SAMD5: variants seen among roughly 807,000 people sequenced by gnomAD.
SAMD5 encodes the protein sterile alpha motif domain containing 5.
A neutral mutation model predicts 11.3 loss-of-function variants in SAMD5; 13 were observed. That is an observed-to-expected ratio of 1.15 (90% CI 0.75 to 1.83). The LOEUF (loss-of-function observed/expected upper bound fraction) is 1.83, where lower values mean the gene tolerates loss of function less well. Ranked by LOEUF, SAMD5 falls within the 40% of genes most tolerant of loss-of-function variation. The pLI, the probability that SAMD5 is intolerant of heterozygous loss-of-function variation, is 0.00. For synonymous variants in SAMD5, 129 were observed against 111.3 expected (o/e 1.16, Z -1.00); for missense variants, 255 against 239.1 (o/e 1.07, Z -0.44).
At chr6:147,818,841 C>T in the SAMD5 span, among the ~76,000 whole-genome samples, 1 of 152,280 alleles carries the variant, frequency 6.6e-6, no homozygotes, top group South Asian at 2.1e-4. Context: ...ACCCTTCAGT[C>T]CTACATGGTT....
chr6:147,802,533 A>G, the SAMD5 span, among the ~76,000 whole-genome samples: 1 of 152,204 alleles, frequency 6.6e-6, no homozygotes, highest in South Asian at 2.1e-4. Context: ...CATTTAGCCT[A>G]TGACTCAGCA....
chr6:147,576,017 G>A (rs2128445784), intron 1 of SAMD5, among the ~76,000 whole-genome samples: 1 of 152,266 alleles, frequency 6.6e-6, no homozygotes, highest in Middle Eastern at 3.4e-3. Flanking sequence ...TGGAAGCAGA[G>A]CAGGAGTTTG....
At chr6:147,884,247 C>T in the SAMD5 span, among the ~76,000 whole-genome samples, 185 of 152,090 alleles carry the variant, frequency 1.2e-3, no homozygotes, top group African/African-American at 4.2e-3. Context: ...GGAGGGCTGG[C>T]GCATTTAAAC....
chr6:147,599,963 T>C (rs1357463681), intron 1 of SAMD5, among the ~76,000 whole-genome samples: 1 of 151,832 alleles, frequency 6.6e-6, no homozygotes, highest in Non-Finnish European at 1.5e-5. Flanking sequence ...GAGGTGTGTA[T>C]GGGACCAGGA....
chr6:147,867,753 C>G, the SAMD5 span, among the ~76,000 whole-genome samples: 1 of 152,126 alleles, frequency 6.6e-6, no homozygotes, highest in Non-Finnish European at 1.5e-5. Flanking sequence ...GTTTAAATGA[C>G]CTCAGTATTG....
Position 147,717,514 on chromosome 6 carries a change from T to C in SAMD5, c.163-19803T>C, listed in dbSNP as rs182097393. ...AACTGGCTCAATGGTTTTCCAGATA[T>C]TTTTGCTCAGGAATCACTCTGTCAG... On this transcript the variant is annotated intron_variant, in intron 1 of 1. Coordinates refer to the SAMD5 transcript ENST00000566741. Among the ~76,000 whole-genome samples, 13 of 152,278 alleles carry C rather than the reference T, an allele frequency of 8.5e-5. No individual in the cohort carries two copies. The East Asian group carries it at 2.1e-3, about 25-fold the overall frequency.
chr6:147,928,167 T>A, the SAMD5 span, among the ~76,000 whole-genome samples: 1 of 152,210 alleles, frequency 6.6e-6, no homozygotes, highest in African/African-American at 2.4e-5. Flanking sequence ...TGAATCAGGA[T>A]GATGCTGGAC....
chr6:147,818,808 G>A, the SAMD5 span, among the ~76,000 whole-genome samples: 1 of 152,112 alleles, frequency 6.6e-6, no homozygotes, highest in South Asian at 2.1e-4. Context: ...TGTGACACCA[G>A]CAAGTTACAG....
chr6:147,794,278 G>A, the SAMD5 span, among the ~76,000 whole-genome samples: 1,219 of 152,210 alleles, frequency 8.0e-3, 5 homozygotes, highest in Non-Finnish European at 0.013. Flanking sequence ...AGCCAGTAAG[G>A]TTTAAATATG....
chr6:147,846,915 C>A, the SAMD5 span, among the ~76,000 whole-genome samples: 1 of 152,244 alleles, frequency 6.6e-6, no homozygotes, highest in East Asian at 1.9e-4. Context: ...CAACATGTCC[C>A]AAGTAATAGA....
the SAMD5 span, among the ~76,000 whole-genome samples, chr6:147,853,043 A>G: frequency 1.2e-3 from 184 of 152,324 alleles, no homozygotes; most frequent in African/African-American, 4.1e-3. Context: ...AAACAAACCT[A>G]TATTCCAAAG....
the SAMD5 span, among the ~76,000 whole-genome samples, chr6:147,766,296 A>G: frequency 1.3e-5 from 2 of 152,074 alleles, no homozygotes; most frequent in Non-Finnish European, 2.9e-5. Flanking sequence ...ATGAAGAAAA[A>G]TTCTCTCTAG....
the SAMD5 span, among the ~76,000 whole-genome samples, chr6:147,830,253 T>A: frequency 4.2e-4 from 31 of 73,012 alleles, no homozygotes; most frequent in Non-Finnish European, 7.5e-4. Context: ...CTTTCTTTCT[T>A]TTTTTTTTTT....
At chr6:147,873,114 C>T in the SAMD5 span, among the ~76,000 whole-genome samples, 1 of 152,118 alleles carries the variant, frequency 6.6e-6, no homozygotes, top group Non-Finnish European at 1.5e-5. Flanking sequence ...TGCTGTGGCT[C>T]ACGCCTGTAA....
At chr6:147,816,301 A>AAAAAAAAAAAAAAAATAT in the SAMD5 span, among the ~76,000 whole-genome samples, 4 of 66,356 alleles carry the variant, frequency 6.0e-5, no homozygotes, top group African/African-American at 4.1e-4. Context: ...AAAAAAAAAA[A>AAAAAAAAAAAAAAAATAT]ATATATATAT....
At chr6:147,946,270 T>A in the SAMD5 span, among the ~76,000 whole-genome samples, 1 of 152,218 alleles carries the variant, frequency 6.6e-6, no homozygotes, top group East Asian at 1.9e-4. Flanking sequence ...TCTTGATGTG[T>A]GGGTAGGCAT....
At chr6:147,556,151 G>T (rs1041310865) in intron 1 of SAMD5, among the ~76,000 whole-genome samples, 3 of 151,614 alleles carry the variant, frequency 2.0e-5, no homozygotes, top group Non-Finnish European at 2.9e-5. Context: ...GGAGTGCAGT[G>T]GTGTGATCTT....
intron 1 of SAMD5, among the ~76,000 whole-genome samples, chr6:147,581,405 G>A (rs1789295330): frequency 6.6e-6 from 1 of 152,192 alleles, no homozygotes; most frequent in Non-Finnish European, 1.5e-5. Flanking sequence ...ATTGGTATAT[G>A]CTAATTAAAC....
In SAMD5 at chr6:147,551,812, T is replaced by TTATATATATATATATA. The variant is rs10691979; in HGVS notation, c.460-12572_460-12557dup. The stretch of plus-strand genomic sequence containing the variant: ...CTTAAATGTGATTCTTATATATATG[T>TTATATATATATATATA]TATATATATATATATATATATATAT... On this transcript the variant is annotated intron_variant, in intron 1 of 1. Coordinates refer to ENST00000367474, the MANE Select transcript of SAMD5 (RefSeq NM_001030060.3). 7.8e-3 allele frequency among the ~76,000 whole-genome samples: 776 copies of TTATATATATATATATA among 99,124 alleles called. 9 individuals are homozygous for TTATATATATATATATA. The highest frequency in any genetic ancestry group is 0.014 in the African/African-American group (407 of 28,132). The allele number at this position is 99,124 out of a possible 152,430, so 65.0% of individuals were successfully genotyped here.
Sources: allele counts gnomAD v4.1 joint callset (sites outside exome capture counted in the v4.1 genomes callset), GRCh38; gene constraint gnomAD v4.1.1; transcripts MANE v1.5; gene names NCBI Gene and HGNC (gene_info 2026-07-23, HGNC 2026-07-21).